Variants in ERC1 observed in about 807,000 individuals in gnomAD.
ERC1 encodes the protein RAB6 interacting protein 2.
In ERC1, 56 loss-of-function variants were observed where a neutral mutation model predicts 132.0. That is an observed-to-expected ratio of 0.42 (90% CI 0.34 to 0.53). The LOEUF is 0.53. Among genes scored for constraint, ERC1 ranks in the 20% least tolerant of loss-of-function variants. ERC1 has a pLI of 0.03. For missense variants in ERC1, 1,202 were observed against 1,349.9 expected (o/e 0.89, Z 1.72); for synonymous variants, 478 against 476.1 (o/e 1.00, Z -0.05).
At chr12:1,379,908 C>G (rs1054699062) in intron 16 of ERC1, among the ~76,000 whole-genome samples, 1 of 152,126 alleles carries the variant, frequency 6.6e-6, no homozygotes, top group Non-Finnish European at 1.5e-5. Flanking sequence ...GAGATCCTTG[C>G]AAGCCATCCT....
At chr12:1,037,602 C>G (rs1002811478) in intron 2 of ERC1, among the ~76,000 whole-genome samples, 4 of 152,136 alleles carry the variant, frequency 2.6e-5, no homozygotes, top group African/African-American at 9.7e-5. Context: ...TAATTATACT[C>G]TTAAGTATTT....
intron 16 of ERC1, among the ~76,000 whole-genome samples, chr12:1,401,578 G>A (rs1000802035): frequency 3.9e-5 from 6 of 152,008 alleles, no homozygotes; most frequent in East Asian, 1.9e-4. Flanking sequence ...TATGAATGTC[G>A]CTAAGTTATT....
intron 13 of ERC1, among the ~76,000 whole-genome samples, chr12:1,262,047 G>A (rs1208370994): frequency 2.6e-5 from 4 of 152,126 alleles, no homozygotes; most frequent in African/African-American, 9.7e-5. Context: ...GTATAATTGA[G>A]TTTCTTAGAT....
At chr12:1,217,891 A>G (rs1308404223) in intron 12 of ERC1, among the ~76,000 whole-genome samples, 1 of 152,128 alleles carries the variant, frequency 6.6e-6, no homozygotes, top group Non-Finnish European at 1.5e-5. Context: ...GTCTTCCTAC[A>G]CTGCCTCTGC....
intron 15 of ERC1, among the ~76,000 whole-genome samples, chr12:1,330,169 G>A (rs116402178): frequency 2.6e-5 from 4 of 152,046 alleles, no homozygotes; most frequent in African/African-American, 7.3e-5. Context: ...CATAATACAC[G>A]ACAATGGGAA....
intron 15 of ERC1, among the ~76,000 whole-genome samples, chr12:1,347,804 G>A (rs149632178): frequency 2.8e-3 from 421 of 152,208 alleles, no homozygotes; most frequent in Middle Eastern, 0.01. Flanking sequence ...CCAACATGGT[G>A]CAACCCCGTC....
chr12:1,108,535 T>G (rs1565982462), intron 4 of ERC1, among the ~76,000 whole-genome samples: 1 of 152,204 alleles, frequency 6.6e-6, no homozygotes, highest in African/African-American at 2.4e-5. Context: ...AGGCTAGTCA[T>G]ATGCTTATGC....
chr12:1,281,727 A>C (rs2078690273), intron 14 of ERC1, among the ~76,000 whole-genome samples: 2 of 152,244 alleles, frequency 1.3e-5, no homozygotes, highest in Non-Finnish European at 2.9e-5. Flanking sequence ...TAAAAATAGA[A>C]AAAATGAAAT....
intron 15 of ERC1, among the ~76,000 whole-genome samples, chr12:1,313,840 C>T (rs1234474824): frequency 1.3e-5 from 2 of 151,930 alleles, no homozygotes; most frequent in African/African-American, 2.4e-5. Flanking sequence ...AAAAATCAGC[C>T]GGGCATGGTG....
chr12:1,484,604 G>A (rs1422707716), intron 18 of ERC1, among the ~76,000 whole-genome samples: 3 of 138,228 alleles, frequency 2.2e-5, no homozygotes, highest in Non-Finnish European at 4.6e-5. Context: ...TTTTGAGATG[G>A]AGTCTTGCTC....
intron 7 of ERC1, among the ~76,000 whole-genome samples, chr12:1,124,864 GA>G (rs1947978770): frequency 1.3e-5 from 2 of 152,086 alleles, no homozygotes; most frequent in South Asian, 2.1e-4. Flanking sequence ...AATGACAGAA[GA>G]AGTTCAAGAG....
At chr12:1,202,389 G>T (rs971280435) in intron 12 of ERC1, among the ~76,000 whole-genome samples, 28 of 152,310 alleles carry the variant, frequency 1.8e-4, no homozygotes, top group African/African-American at 6.7e-4. Flanking sequence ...CGGACGTGGT[G>T]GCTCATGCTT....
chr12:1,340,907 C>G (rs540295215), intron 15 of ERC1, among the ~76,000 whole-genome samples: 89 of 152,056 alleles, frequency 5.9e-4, no homozygotes, highest in Non-Finnish European at 9.9e-4. Context: ...GCCTAGTACT[C>G]TCTTTTAAGG....
At chr12:1,153,981 T>A (rs1438335365) in intron 8 of ERC1, among the ~76,000 whole-genome samples, 2 of 152,150 alleles carry the variant, frequency 1.3e-5, no homozygotes, top group Non-Finnish European at 2.9e-5. Flanking sequence ...TTTTCATTTC[T>A]CCCCTGCCTG....
chr12:1,231,082 T>C (rs954941900), intron 12 of ERC1, among the ~76,000 whole-genome samples: 12 of 152,198 alleles, frequency 7.9e-5, no homozygotes, highest in African/African-American at 2.7e-4. Flanking sequence ...AAGGCCATTT[T>C]GTTGTTCTCT....
intron 18 of ERC1, among the ~76,000 whole-genome samples, chr12:1,453,940 G>A (rs73599905): frequency 0.017 from 2,545 of 152,056 alleles, 68 homozygotes; most frequent in African/African-American, 0.059. Context: ...TGAGTGATGC[G>A]TGTTTGTTTT....
chr12:1,367,541 G>T (rs138325240), intron 15 of ERC1, among the ~76,000 whole-genome samples: 28 of 152,110 alleles, frequency 1.8e-4, no homozygotes, highest in African/African-American at 6.3e-4. Context: ...CGCTAATTAC[G>T]GTCTCTTATT....
chr12:1,450,890 A>G (rs780981535), intron 18 of ERC1, among the ~76,000 whole-genome samples: 14 of 152,160 alleles, frequency 9.2e-5, no homozygotes, highest in Admixed American at 3.3e-4. Context: ...TTTGATTTGC[A>G]TTTCCCTAAT....
At chr12:1,042,578 TC>T (rs1364972433) in intron 2 of ERC1, among the ~76,000 whole-genome samples, 2 of 151,890 alleles carry the variant, frequency 1.3e-5, no homozygotes, top group African/African-American at 4.8e-5. Context: ...ACCCAAGTGA[TC>T]CACCCACCTT....
Sources: gnomAD v4.1 joint callset for allele counts (sites outside exome capture counted in the v4.1 genomes callset) on GRCh38, gnomAD v4.1.1 for gene constraint, MANE v1.5 for transcripts, NCBI Gene and HGNC (gene_info 2026-07-23, HGNC 2026-07-21) for gene names.